Variants in TNRC18 observed in about 807,000 individuals in gnomAD.
TNRC18 encodes trinucleotide repeat containing 18, also known as trinucleotide repeat-containing gene 18 protein.
Under a neutral mutation model 226.7 loss-of-function variants are expected in TNRC18, and 69 were observed. That is an observed-to-expected ratio of 0.30 (90% CI 0.25 to 0.37). The LOEUF (loss-of-function observed/expected upper bound fraction) is 0.37. Among genes scored for constraint, TNRC18 ranks in the 10% least tolerant of loss-of-function variants. The pLI is 1.00. For synonymous variants in TNRC18, 2,449 were observed against 1,927.6 expected (o/e 1.27, Z -7.09); for missense variants, 4,754 against 4,256.6 (o/e 1.12, Z -3.25).
chr7:5,390,543 G>C lies in TNRC18; in HGVS notation c.429C>G (p.Leu143=). 1 of 1,613,696 alleles carries C rather than the reference G, an allele frequency of 6.2e-7. No homozygotes were observed. The highest frequency in any genetic ancestry group is 2.2e-5 in the East Asian group (1 of 44,876). The change falls in exon 4 of 30, where the codon CTC becomes CTG. Residue 143 remains leucine (L), a synonymous_variant. Coordinates refer to ENST00000430969, the MANE Select transcript of TNRC18 (RefSeq NM_001080495.3). ...LEPPSSGSPL[L]SQLGQPSIFD... The stretch of plus-strand genomic sequence containing the variant: ...AAATGCTGGGCTGACCCAGCTGGCT[G>C]AGGAGGGGGCTCCCACTGCTGGGGG...
chr7:5,390,603 C>G lies in TNRC18; in HGVS notation c.369G>C (p.Leu123=). 6.2e-7 allele frequency: 1 copy of G among 1,603,404 alleles called. No individual in the cohort carries two copies. The highest frequency in any genetic ancestry group is 2.2e-5 in the East Asian group (1 of 44,566). Reference sequence around the variant, plus strand: ...GGTTCAGGTGGAGGTAGGATGGGTACAGCCCACTGGGCAGGTGGGAGAAGC... The same window carrying G: ...GGTTCAGGTGGAGGTAGGATGGGTAGAGCCCACTGGGCAGGTGGGAGAAGC... The part of the protein sequence containing the change: ...HEGFSHLPSG[L]YPSYLHLNHL... Residue 123 remains leucine (L), a synonymous_variant, in exon 4 of 30, where the codon CTG becomes CTC. Transcript: ENST00000430969.
intron 15 of TNRC18, among the ~76,000 whole-genome samples, chr7:5,357,813 G>T (rs1171679929): frequency 6.6e-6 from 1 of 152,138 alleles, no homozygotes; most frequent in African/African-American, 2.4e-5. Context: ...GTAAAATGGG[G>T]GTACTTGTGT....
chr7:5,325,666 T>C (rs1369658200), intron 19 of TNRC18: 6 of 166,302 alleles, frequency 3.6e-5, no homozygotes, highest in Non-Finnish European at 6.4e-5. Context: ...CCTTGTGATC[T>C]GCCCGCCTCG....
At chr7:5,333,082 C>T (rs1306612277) in intron 18 of TNRC18, 33 bp from the exon 19 acceptor site, 4 of 1,544,542 alleles carry the variant, frequency 2.6e-6, no homozygotes, top group Admixed American at 3.8e-5. Flanking sequence ...CTGGTCACAG[C>T]CTCGTGGGGA....
intron 14 of TNRC18, among the ~76,000 whole-genome samples, chr7:5,360,203 T>TTTTATTTATTTATTTA (rs373223281): frequency 2.0e-5 from 3 of 151,206 alleles, no homozygotes; most frequent in African/African-American, 7.3e-5. Flanking sequence ...TGCTGCTGTA[T>TTTTATTTATTTATTTA]TTTATTTATT....
chr7:5,322,226 C>T (rs1474778398), intron 21 of TNRC18, among the ~76,000 whole-genome samples: 5 of 151,926 alleles, frequency 3.3e-5, no homozygotes, highest in Non-Finnish European at 2.9e-5. Flanking sequence ...TGCAGTGAGC[C>T]GAGATCACGC....
At chr7:5,383,458 C>T (rs1779539167) in intron 5 of TNRC18, among the ~76,000 whole-genome samples, 1 of 152,172 alleles carries the variant, frequency 6.6e-6, no homozygotes, top group African/African-American at 2.4e-5. Flanking sequence ...CGTCAGCCCA[C>T]CCAGCATCAA....
intron 5 of TNRC18, among the ~76,000 whole-genome samples, chr7:5,381,348 G>A (rs1779384028): frequency 6.6e-6 from 1 of 152,064 alleles, no homozygotes; most frequent in Non-Finnish European, 1.5e-5. Flanking sequence ...TCTCGAGGAT[G>A]CCCCACCCTC....
At chr7:5,358,507 A>G (rs1201124050) in intron 15 of TNRC18, among the ~76,000 whole-genome samples, 5 of 152,184 alleles carry the variant, frequency 3.3e-5, no homozygotes, top group Non-Finnish European at 7.3e-5. Flanking sequence ...TGCCCCTCTC[A>G]GCCAAGTCAA....
intron 14 of TNRC18, among the ~76,000 whole-genome samples, chr7:5,360,583 G>C (rs1792933048): frequency 2.6e-5 from 4 of 152,022 alleles, no homozygotes; most frequent in Admixed American, 2.6e-4. Context: ...GCTAACACCT[G>C]GCCCGAGGTC....
At chr7:5,385,218 G>A (rs1484360189) in intron 5 of TNRC18, among the ~76,000 whole-genome samples, 1 of 152,210 alleles carries the variant, frequency 6.6e-6, no homozygotes, top group Non-Finnish European at 1.5e-5. Flanking sequence ...TGGGCGCGGT[G>A]GCTCACGCCT....
At position 5,387,735 on chromosome 7, in the gene TNRC18, T is replaced by C. The variant is rs754919225; in HGVS notation, c.2089A>G (p.Ser697Gly). Residue 697 changes from serine (S) to glycine (G), a missense_variant, in exon 5 of 30, where the codon AGT (serine) becomes GGT (glycine). Coordinates refer to ENST00000430969, the MANE Select transcript of TNRC18 (RefSeq NM_001080495.3). Reference sequence around the variant, plus strand: ...ACCAGCCCAGGCCCCAGCCGGCCACTGCCGCCACTGTCCTTCTGCCGGGCC... The same window carrying C: ...ACCAGCCCAGGCCCCAGCCGGCCACCGCCGCCACTGTCCTTCTGCCGGGCC... ...AVARQKDSGG[S>G]GRLGPGLVDQ... is the part of the protein sequence containing the mutation. The C allele has an allele frequency of 3.5e-5, 57 of 1,606,384 alleles. No individual in the cohort carries two copies. The East Asian group carries it at 1.2e-3, about 35-fold the overall frequency.
intron 4 of TNRC18, 69 bp from the exon 5 acceptor site, chr7:5,389,405 C>T (rs1454315262): frequency 1.2e-5 from 14 of 1,196,428 alleles, no homozygotes; most frequent in South Asian, 7.7e-5. Context: ...TGGGCGGAGG[C>T]GGACCCCTGA....
At chr7:5,335,538 G>C (rs1790007605) in intron 18 of TNRC18, among the ~76,000 whole-genome samples, 1 of 150,446 alleles carries the variant, frequency 6.6e-6, no homozygotes, top group South Asian at 2.1e-4. Context: ...CCAGGAGGCA[G>C]AGGTTGCAGT....
In TNRC18 at chr7:5,394,604, A is replaced by G; in HGVS notation, c.188-9T>C. ...GCCCAAGAAGGCCTCGCCTGCAGAG[A>G]GAAGTTGGGAGGACCGTCAGGCAGA... On this transcript the variant is annotated splice_polypyrimidine_tract_variant and intron_variant, in intron 2 of 29. Coordinates refer to ENST00000430969, the MANE Select transcript of TNRC18 (RefSeq NM_001080495.3). This position sits in a 1 kb window ranked among gnomAD's most constrained non-coding sequence, Gnocchi z 4.5. 5 of 1,539,842 alleles carry G rather than the reference A, an allele frequency of 3.2e-6. No homozygotes were observed. Among genetic ancestry groups the G allele is most frequent in the Non-Finnish European group, 3.5e-6 (4 of 1,143,492 alleles).
In TNRC18 at chr7:5,362,661, T is replaced by C. The variant is rs578049267; in HGVS notation, c.4384A>G (p.Lys1462Glu). 123 of 1,576,678 alleles carry C rather than the reference T, an allele frequency of 7.8e-5. No individual in the cohort carries two copies. In the South Asian group the frequency reaches 8.6e-4, roughly 11 times the overall value. Residue 1462 changes from lysine to glutamate, a missense_variant, in exon 12 of 30, where the codon AAG (lysine) becomes GAG (glutamate). Physicochemically the swap from Lys to Glu is moderately conservative, Grantham distance 56 (BLOSUM62 1). Coordinates refer to ENST00000430969, the MANE Select transcript of TNRC18 (RefSeq NM_001080495.3). ...PNKKYSWMRK[K>E]EERMYAMKSS... Reference sequence around the variant, plus strand: ...AGCCAGCCGCTCACCCGCTCCTCCTTCTTGCGCATCCAGCTGTACTTCTTG... The same window carrying C: ...AGCCAGCCGCTCACCCGCTCCTCCTCCTTGCGCATCCAGCTGTACTTCTTG...
chr7:5,418,199 C>T (rs1157408427), intron 2 of TNRC18, among the ~76,000 whole-genome samples: 2 of 152,340 alleles, frequency 1.3e-5, no homozygotes, highest in Middle Eastern at 3.4e-3. Context: ...CAGAGCCAAG[C>T]CCCAGGTGTT....
chr7:5,410,347 A>G (rs894008586), intron 2 of TNRC18, among the ~76,000 whole-genome samples: 10 of 151,750 alleles, frequency 6.6e-5, no homozygotes, highest in Admixed American at 3.9e-4. Flanking sequence ...AAAAAATTCA[A>G]TGATTAGCCC....
intron 2 of TNRC18, among the ~76,000 whole-genome samples, chr7:5,417,066 G>C (rs145329943): frequency 1.3e-5 from 2 of 152,102 alleles, no homozygotes; most frequent in African/African-American, 4.8e-5. Flanking sequence ...GGGAGGCCAA[G>C]GCAGGAGGAG....
Sources: allele counts gnomAD v4.1 joint callset (sites outside exome capture counted in the v4.1 genomes callset), GRCh38; gene constraint gnomAD v4.1.1; non-coding constraint Gnocchi (gnomAD v3.1); transcripts MANE v1.5; gene names NCBI Gene and HGNC (gene_info 2026-07-23, HGNC 2026-07-21).